SGCD: variants seen among roughly 807,000 people sequenced by gnomAD.
SGCD encodes delta-sarcoglycan.
In SGCD, 18 loss-of-function variants were observed where a neutral mutation model predicts 36.6. That is an observed-to-expected ratio of 0.49 (90% confidence interval 0.34 to 0.73). The LOEUF is 0.73. SGCD is among the 30% of genes least tolerant of loss of function. SGCD has a pLI of 0.01. For synonymous variants in SGCD, 133 were observed against 130.6 expected (o/e 1.02, Z -0.12); for missense variants, 387 against 346.7 (o/e 1.12, Z -0.92).
At chr5:156,486,488 A>G (rs939678176) in intron 3 of SGCD, among the ~76,000 whole-genome samples, 1 of 151,928 alleles carries the variant, frequency 6.6e-6, no homozygotes, top group Admixed American at 6.5e-5. Context: ...TGTCCTTTTG[A>G]AACCTGAGGA....
chr5:156,329,909 C>T (rs1048644743), intron 2 of SGCD, among the ~76,000 whole-genome samples: 2 of 147,018 alleles, frequency 1.4e-5, no homozygotes, highest in East Asian at 2.0e-4. Context: ...CCCAGCTACT[C>T]GGGAGGCTGA....
At chr5:156,719,925 C>T (rs949142717) in intron 7 of SGCD, among the ~76,000 whole-genome samples, 6 of 151,558 alleles carry the variant, frequency 4.0e-5, no homozygotes, top group Non-Finnish European at 7.4e-5. Context: ...AAGGATTACA[C>T]AGTTCTCCTT....
At chr5:156,676,599 A>G (rs931780177) in intron 7 of SGCD, among the ~76,000 whole-genome samples, 8 of 152,120 alleles carry the variant, frequency 5.3e-5, no homozygotes, top group Non-Finnish European at 1.0e-4. Context: ...CTTGCGGTTC[A>G]CGAACAACTC....
intron 6 of SGCD, among the ~76,000 whole-genome samples, chr5:156,620,180 C>T (rs976648676): frequency 5.9e-5 from 9 of 152,148 alleles, no homozygotes; most frequent in African/African-American, 2.2e-4. Context: ...GGTTTCTCAT[C>T]GGTAAAACAG....
At chr5:156,459,323 A>G (rs1754387016) in intron 3 of SGCD, among the ~76,000 whole-genome samples, 1 of 152,198 alleles carries the variant, frequency 6.6e-6, no homozygotes, top group South Asian at 2.1e-4. Flanking sequence ...TGGAGAGTTA[A>G]TAGTCTCTCT....
chr5:155,744,671 A>G, the SGCD span, among the ~76,000 whole-genome samples: 4 of 152,340 alleles, frequency 2.6e-5, no homozygotes, highest in South Asian at 8.3e-4. Context: ...TTGGAGGAAG[A>G]TAAACAGGAA....
chr5:156,303,055 G>A (rs1231639699), intron 3 of SGCD, among the ~76,000 whole-genome samples: 1 of 152,160 alleles, frequency 6.6e-6, no homozygotes, highest in Non-Finnish European at 1.5e-5. Context: ...TTCCCTCAGG[G>A]CAGTTAGCTG....
At chr5:156,606,260 A>T (rs1394994803) in intron 6 of SGCD, among the ~76,000 whole-genome samples, 1 of 152,232 alleles carries the variant, frequency 6.6e-6, no homozygotes, top group Non-Finnish European at 1.5e-5. Context: ...AGCTTTCTAC[A>T]CATGGCTAGC....
chr5:156,031,268 G>C (rs1010385216), intron 1 of SGCD, among the ~76,000 whole-genome samples: 1 of 152,212 alleles, frequency 6.6e-6, no homozygotes, highest in Non-Finnish European at 1.5e-5. Context: ...GATGCTGCTA[G>C]TCTGAGAACC....
chr5:156,200,165 C>T (rs1764110636), intron 3 of SGCD, among the ~76,000 whole-genome samples: 1 of 152,042 alleles, frequency 6.6e-6, no homozygotes, highest in Non-Finnish European at 1.5e-5. Context: ...AGAGAGAAAA[C>T]ATCATAAAAT....
intron 1 of SGCD, among the ~76,000 whole-genome samples, chr5:156,057,584 C>T (rs79249483): frequency 0.013 from 1,887 of 146,468 alleles, 275 homozygotes; most frequent in Non-Finnish European, 0.021. Context: ...TAGTAAGTCA[C>T]ACTTCTTGGA....
At chr5:156,261,847 T>A (rs1289569129) in intron 3 of SGCD, among the ~76,000 whole-genome samples, 1 of 152,150 alleles carries the variant, frequency 6.6e-6, no homozygotes, top group Middle Eastern at 3.2e-3. Flanking sequence ...TCTTAGTTTT[T>A]AACAAGAATT....
the SGCD span, among the ~76,000 whole-genome samples, chr5:155,734,806 C>G: frequency 2.0e-5 from 3 of 152,184 alleles, no homozygotes; most frequent in African/African-American, 7.2e-5. Context: ...GCTGCAATTG[C>G]TTGGCTGACT....
At chr5:156,252,373 G>A (rs1441935492) in intron 3 of SGCD, among the ~76,000 whole-genome samples, 1 of 152,052 alleles carries the variant, frequency 6.6e-6, no homozygotes, top group East Asian at 1.9e-4. Context: ...CACTGTGCCT[G>A]GCGATATTAA....
Position 156,059,109 on chromosome 5 carries a change from A to T in SGCD, c.-281-58769A>T, listed in dbSNP as rs77281930. The stretch of plus-strand genomic sequence containing the variant: ...CAAGTGGGTATATCATTTTTTAAAT[A>T]AAAAAAAAAAAGTTTTGGTTTTTGA... On this transcript the variant is annotated intron_variant, in intron 1 of 9. Transcript: ENST00000517913. Among the ~76,000 whole-genome samples, 5 of 119,408 alleles carry T rather than the reference A, an allele frequency of 4.2e-5. No homozygotes were observed. In the South Asian group the frequency reaches 6.9e-4, roughly 16 times the overall value. The allele number at this position is 119,408 out of a possible 152,430, so 78.3% of individuals were successfully genotyped here. A position where few individuals can be genotyped will look rare whatever the true frequency, so the allele number is the denominator to read the frequency against.
intron 1 of SGCD, among the ~76,000 whole-genome samples, chr5:156,078,235 C>T (rs1183349918): frequency 4.0e-5 from 6 of 151,458 alleles, no homozygotes; most frequent in South Asian, 2.1e-4. Context: ...AATACAACGC[C>T]GGGTGTGGTG....
At chr5:156,148,157 T>C (rs1762749931) in intron 3 of SGCD, among the ~76,000 whole-genome samples, 2 of 152,126 alleles carry the variant, frequency 1.3e-5, no homozygotes, top group African/African-American at 4.8e-5. Context: ...GAAAGACAAA[T>C]GTGAACCACA....
intron 1 of SGCD, among the ~76,000 whole-genome samples, chr5:156,100,867 G>A (rs1047974867): frequency 2.0e-5 from 3 of 152,100 alleles, no homozygotes; most frequent in Non-Finnish European, 2.9e-5. Flanking sequence ...CCTTGATTTT[G>A]GATGCTGCTG....
chr5:156,575,333 A>G (rs915029147), intron 4 of SGCD, among the ~76,000 whole-genome samples: 2 of 152,162 alleles, frequency 1.3e-5, no homozygotes, highest in African/African-American at 4.8e-5. Context: ...CTCTCTCCCT[A>G]TCTATGAAGA....
Sources: gnomAD v4.1 joint callset for allele counts (sites outside exome capture counted in the v4.1 genomes callset) on GRCh38, gnomAD v4.1.1 for gene constraint, MANE v1.5 for transcripts, NCBI Gene and HGNC (gene_info 2026-07-23, HGNC 2026-07-21) for gene names.